SLC25A19: variants seen among roughly 807,000 people sequenced by gnomAD.
SLC25A19 encodes solute carrier family 25 member 19.
In SLC25A19, 18 loss-of-function variants were observed where a neutral mutation model predicts 27.9. That is an observed-to-expected ratio of 0.64 (90% CI 0.45 to 0.96). SLC25A19 has a LOEUF of 0.96. Among genes scored for constraint, SLC25A19 ranks in the 40% least tolerant of loss-of-function variants. The pLI is 0.00. For synonymous variants in SLC25A19, 169 were observed against 167.1 expected, an observed-to-expected ratio of 1.01 and a Z score of -0.09; for missense variants, 371 against 418.3, an observed-to-expected ratio of 0.89 and a Z score of 0.99.
chr17:75,277,442 T>G lies in SLC25A19; in HGVS notation c.685A>C (p.Ile229Leu), dbSNP rs776172139. The G allele has an allele frequency of 6.2e-6, 10 of 1,613,986 alleles. No individual in the cohort carries two copies. Among genetic ancestry groups the G allele is most frequent in the Non-Finnish European group, 8.5e-6 (10 of 1,179,988 alleles). Residue 229 changes from isoleucine to leucine, a missense_variant, in exon 7 of 8, where the codon ATC becomes CTC. Coordinates refer to ENST00000416858, the MANE Select transcript of SLC25A19 (RefSeq NM_001126121.2). ...AGCGGATATGTCAGGGTCTTGCTGA[T>G]GACACCAGCTCCACTGCCACAAAGC... ...NLLCGSGAGV[I>L]SKTLTYPLDL... is the part of the protein sequence containing the mutation.
At chr17:75,274,815 G>A (rs1227077012) in intron 7 of SLC25A19, among the ~76,000 whole-genome samples, 1 of 151,920 alleles carries the variant, frequency 6.6e-6, no homozygotes, top group African/African-American at 2.4e-5. Context: ...TCTCCCTTCA[G>A]GACAAGTTGG....
In SLC25A19 at chr17:75,286,677, G is replaced by A. The variant is rs777695457; in HGVS notation, c.88C>T (p.Arg30Trp). 12 of 1,614,108 alleles carry A rather than the reference G, an allele frequency of 7.4e-6. No homozygotes were observed. Among genetic ancestry groups the A allele is most frequent in the South Asian group, 1.1e-5 (1 of 91,070 alleles). Residue 30 changes from arginine to tryptophan, a missense_variant, in exon 3 of 8, where the codon CGG becomes TGG. Arg to Trp is a moderately radical substitution (Grantham distance 101). Transcript: ENST00000416858. ...VAGSVSGLVT[R>W]ALISPFDVIK... The stretch of plus-strand genomic sequence containing the variant: ...ACGTCGAAGGGACTGATCAGCGCCC[G>A]AGTAACAAGTCCAGACACAGACCCA...
intron 7 of SLC25A19, among the ~76,000 whole-genome samples, chr17:75,274,580 CTT>C: frequency 6.6e-6 from 1 of 152,318 alleles, no homozygotes; most frequent in Middle Eastern, 3.4e-3. Flanking sequence ...TTACACTAGT[CTT>C]TGTTAGCAGT....
In SLC25A19 at chr17:75,278,127, CCCTCTCGTGTGAGGGCTG is replaced by C. The variant is rs1448512309; in HGVS notation, c.643+7_643+24del. The C allele has an allele frequency of 6.2e-7, 1 of 1,611,720 alleles. No individual in the cohort carries two copies. The highest frequency in any genetic ancestry group is 1.1e-5 in the South Asian group (1 of 90,950). ...TTCTGGTGGCTGGGGTGGGAGGGCT[CCCTCTCGTGTGAGGGCTG>C]CCTCACCATTTTTCTTTCCTTCGGC... is the stretch of plus-strand genomic sequence containing the variant. On this transcript the variant is annotated splice_region_variant and intron_variant, in intron 6 of 7. Transcript: ENST00000416858.
intron 5 of SLC25A19, among the ~76,000 whole-genome samples, chr17:75,279,169 T>C (rs891365754): frequency 6.6e-6 from 1 of 151,978 alleles, no homozygotes; most frequent in African/African-American, 2.4e-5. Flanking sequence ...AGCATGTTAC[T>C]TAGAATTATG....
chr17:75,284,925 G>A (rs761541521), intron 4 of SLC25A19, among the ~76,000 whole-genome samples: 10 of 151,482 alleles, frequency 6.6e-5, no homozygotes, highest in Admixed American at 1.3e-4. Context: ...TTACACACAT[G>A]AGCCACCGAG....
intron 6 of SLC25A19, among the ~76,000 whole-genome samples, chr17:75,277,932 G>A (rs1217449450): frequency 6.6e-6 from 1 of 152,158 alleles, no homozygotes; most frequent in African/African-American, 2.4e-5. Flanking sequence ...ATCACTGGAA[G>A]TAAATTTCAG....
chr17:75,284,059 G>A (rs573089867), intron 4 of SLC25A19, among the ~76,000 whole-genome samples: 1 of 151,422 alleles, frequency 6.6e-6, no homozygotes, highest in Non-Finnish European at 1.5e-5. Context: ...GCTGCACTGA[G>A]CCAAGATCAT....
chr17:75,286,216 C>T (rs982526999), intron 4 of SLC25A19, 88 bp downstream of exon 4: 8 of 1,521,646 alleles, frequency 5.3e-6, no homozygotes, highest in South Asian at 2.2e-5. Context: ...TCCTGCCCTG[C>T]GCGGCATTCC....
intron 4 of SLC25A19, among the ~76,000 whole-genome samples, chr17:75,283,963 A>G (rs1390546518): frequency 6.6e-6 from 1 of 152,004 alleles, no homozygotes; most frequent in East Asian, 1.9e-4. Context: ...AAAATACAAA[A>G]ATTAGTCAGG....
At chr17:75,285,367 C>T (rs62089331) in intron 4 of SLC25A19, among the ~76,000 whole-genome samples, 24,620 of 152,274 alleles carry the variant, frequency 0.16, 2,361 homozygotes, top group Middle Eastern at 0.28. Flanking sequence ...CTCCGCCTCC[C>T]GGGCTCAGAT....
At chr17:75,280,595 A>G (rs1279867947) in intron 5 of SLC25A19, among the ~76,000 whole-genome samples, 1 of 152,022 alleles carries the variant, frequency 6.6e-6, no homozygotes, top group Non-Finnish European at 1.5e-5. Context: ...TGGGTGGATC[A>G]CAAGGTCAGG....
At chr17:75,288,799 T>C (rs2078243166) in intron 1 of SLC25A19, among the ~76,000 whole-genome samples, 1 of 151,974 alleles carries the variant, frequency 6.6e-6, no homozygotes, top group Non-Finnish European at 1.5e-5. Flanking sequence ...CAATTCCTTT[T>C]CTCCTCTCAC....
chr17:75,277,553 C>G (rs1051640783), intron 6 of SLC25A19, 70 bp from the exon 7 acceptor site: 1 of 1,579,874 alleles, frequency 6.3e-7, no homozygotes, highest in African/African-American at 1.3e-5. Flanking sequence ...ACTTAAAAGG[C>G]GTCAGGGCTA....
At chr17:75,278,607 A>G (rs775699762) in intron 5 of SLC25A19, among the ~76,000 whole-genome samples, 8 of 152,182 alleles carry the variant, frequency 5.3e-5, no homozygotes, top group Non-Finnish European at 1.0e-4. Context: ...GGGAAGAGCT[A>G]AAGACGCGAT....
Position 75,286,187 on chromosome 17 carries a change from G to A in SLC25A19, c.288+117C>T, listed in dbSNP as rs369145851. On this transcript the variant is annotated intron_variant, in intron 4 of 7. Transcript: ENST00000416858. Reference sequence around the variant, plus strand: ...CTCCCGGGTGAGGCAGGTGGGAAGCGTGGGGCCTGCCTCTTCCGTCCTGCC... The same window carrying A: ...CTCCCGGGTGAGGCAGGTGGGAAGCATGGGGCCTGCCTCTTCCGTCCTGCC... The A allele has an allele frequency of 2.6e-4, 335 of 1,306,168 alleles. 6 individuals are homozygous for A. In the East Asian group the frequency reaches 7.1e-3, roughly 28 times the overall value. The allele number at this position is 1,306,168 out of a possible 1,614,324, so 80.9% of individuals were successfully genotyped here.
intron 7 of SLC25A19, among the ~76,000 whole-genome samples, chr17:75,276,258 A>T (rs2077884134): frequency 6.6e-6 from 1 of 152,232 alleles, no homozygotes; most frequent in Admixed American, 6.5e-5. Flanking sequence ...CTGGGCAACA[A>T]GAGCAAAACT....
At chr17:75,276,224 G>A (rs1331313128) in intron 7 of SLC25A19, among the ~76,000 whole-genome samples, 2 of 152,072 alleles carry the variant, frequency 1.3e-5, no homozygotes, top group Non-Finnish European at 2.9e-5. Context: ...GCAGTGAGCC[G>A]AGATCGTGCC....
chr17:75,277,076 C>T (rs1450630412), intron 7 of SLC25A19, among the ~76,000 whole-genome samples: 3 of 151,696 alleles, frequency 2.0e-5, no homozygotes, highest in African/African-American at 7.3e-5. Context: ...GGGTTCAAGA[C>T]CAGCCTGGGA....
Sources: gnomAD v4.1 joint callset for allele counts (sites outside exome capture counted in the v4.1 genomes callset) on GRCh38, gnomAD v4.1.1 for gene constraint, MANE v1.5 for transcripts, NCBI Gene and HGNC (gene_info 2026-07-23, HGNC 2026-07-21) for gene names.